Variants in CNTN3 observed in about 807,000 individuals in gnomAD.
CNTN3 encodes the protein contactin-3.
Under a neutral mutation model 119.1 loss-of-function variants are expected in CNTN3, and 60 were observed. The observed-to-expected ratio is 0.50, with a 90% CI of 0.41 to 0.62. The LOEUF (loss-of-function observed/expected upper bound fraction) is 0.62, where lower values mean the gene tolerates loss of function less well. Among genes scored for constraint, CNTN3 ranks in the 20% least tolerant of loss-of-function variants. The probability of loss-of-function intolerance (pLI) is 0.00; values close to 1 mark genes in which losing one functional copy is unlikely to be tolerated. For missense variants in CNTN3, 1,101 were observed against 1,242.4 expected, an observed-to-expected ratio of 0.89 and a Z score of 1.71; for synonymous variants, 450 against 438.7, an observed-to-expected ratio of 1.03 and a Z score of -0.32.
At chr3:74,350,037 C>G (rs2106745499) in intron 11 of CNTN3, among the ~76,000 whole-genome samples, 1 of 152,178 alleles carries the variant, frequency 6.6e-6, no homozygotes, top group East Asian at 1.9e-4. Flanking sequence ...TCCATAAAAC[C>G]AAATTTGAAA....
intron 5 of CNTN3, among the ~76,000 whole-genome samples, chr3:74,374,485 T>A (rs549210446): frequency 8.9e-4 from 136 of 152,074 alleles, no homozygotes; most frequent in African/African-American, 3.1e-3. Flanking sequence ...TTCCTAGGAG[T>A]AACTGTCCCT....
At chr3:74,478,074 C>A (rs1357343445) in intron 4 of CNTN3, among the ~76,000 whole-genome samples, 1 of 152,024 alleles carries the variant, frequency 6.6e-6, no homozygotes, top group East Asian at 1.9e-4. Context: ...AAGGCATAAA[C>A]CCACAAAGAC....
intron 13 of CNTN3, among the ~76,000 whole-genome samples, chr3:74,310,410 G>A (rs762658818): frequency 4.6e-5 from 7 of 151,818 alleles, no homozygotes; most frequent in Admixed American, 1.3e-4. Flanking sequence ...AGGCATCATC[G>A]AGGACTCATC....
At chr3:74,476,757 A>G (rs754482371) in intron 4 of CNTN3, among the ~76,000 whole-genome samples, 27 of 152,160 alleles carry the variant, frequency 1.8e-4, no homozygotes, top group Non-Finnish European at 2.9e-4. Context: ...ATCAGATAGA[A>G]TGTCTCGACA....
chr3:74,418,961 T>C (rs1426741925), intron 5 of CNTN3, among the ~76,000 whole-genome samples: 1 of 151,660 alleles, frequency 6.6e-6, no homozygotes, highest in Non-Finnish European at 1.5e-5. Context: ...TGGATAATTT[T>C]TTTTTTTTGT....
chr3:74,507,521 C>T (rs1306654594), intron 2 of CNTN3, among the ~76,000 whole-genome samples: 1 of 151,868 alleles, frequency 6.6e-6, no homozygotes, highest in Admixed American at 6.6e-5. Flanking sequence ...CTATTACTGC[C>T]CCCACCATAG....
At chr3:74,314,068 C>T (rs1702766366) in intron 13 of CNTN3, among the ~76,000 whole-genome samples, 2 of 152,194 alleles carry the variant, frequency 1.3e-5, no homozygotes, top group African/African-American at 2.4e-5. Flanking sequence ...GCCCTATTCA[C>T]TTCTAAAAGT....
intron 1 of CNTN3, among the ~76,000 whole-genome samples, chr3:74,576,885 C>T (rs1326144266): frequency 1.3e-5 from 2 of 152,126 alleles, no homozygotes; most frequent in Non-Finnish European, 2.9e-5. Context: ...TGGGCTTAAA[C>T]TCCCACTTAA....
chr3:74,409,777 T>C (rs1459706031), intron 5 of CNTN3, among the ~76,000 whole-genome samples: 1 of 152,220 alleles, frequency 6.6e-6, no homozygotes, highest in Non-Finnish European at 1.5e-5. Flanking sequence ...TTTGAAGCTC[T>C]TGCAACTTAG....
At chr3:74,418,182 A>T (rs1320950324) in intron 5 of CNTN3, among the ~76,000 whole-genome samples, 6 of 151,986 alleles carry the variant, frequency 3.9e-5, no homozygotes, top group Middle Eastern at 3.2e-3. Context: ...GCCAGAAAGC[A>T]TATTCTTAAT....
chr3:74,430,199 G>T (rs573926103), intron 4 of CNTN3, among the ~76,000 whole-genome samples: 2 of 152,078 alleles, frequency 1.3e-5, no homozygotes, highest in Admixed American at 6.6e-5. Context: ...ATAAAAGTTC[G>T]CAGAGTTTTA....
chr3:74,310,731 C>A (rs73109128), intron 13 of CNTN3, among the ~76,000 whole-genome samples: 1 of 152,086 alleles, frequency 6.6e-6, no homozygotes, highest in Non-Finnish European at 1.5e-5. Context: ...TACTAAATTT[C>A]AGGAGGAGAG....
intron 2 of CNTN3, among the ~76,000 whole-genome samples, chr3:74,512,714 A>C (rs1703389958): frequency 7.2e-6 from 1 of 139,374 alleles, no homozygotes; most frequent in Non-Finnish European, 1.6e-5. Flanking sequence ...AAAAAAAAAA[A>C]AGAAAGAAAG....
chr3:74,610,139 A>G (rs1705056131), intron 1 of CNTN3, among the ~76,000 whole-genome samples: 1 of 152,074 alleles, frequency 6.6e-6, no homozygotes, highest in African/African-American at 2.4e-5. Flanking sequence ...CTTTGGCAAC[A>G]TGGTGAATTC....
intron 1 of CNTN3, among the ~76,000 whole-genome samples, chr3:74,570,688 C>G (rs1350585236): frequency 6.6e-6 from 1 of 152,104 alleles, no homozygotes; most frequent in African/African-American, 2.4e-5. Context: ...CTCTTTGGCT[C>G]TTTAAAAACT....
chr3:74,603,807 G>GA (rs371110717), intron 1 of CNTN3, among the ~76,000 whole-genome samples: 2,581 of 150,600 alleles, frequency 0.017, 74 homozygotes, highest in African/African-American at 0.059. Context: ...CACAGAAATA[G>GA]AAAAAAAAAT....
At chr3:74,595,924 A>T (rs540621065) in intron 1 of CNTN3, among the ~76,000 whole-genome samples, 439 of 152,058 alleles carry the variant, frequency 2.9e-3, no homozygotes, top group African/African-American at 9.9e-3. Context: ...ACGACATGAT[A>T]GTATATCTAG....
intron 5 of CNTN3, among the ~76,000 whole-genome samples, chr3:74,391,442 T>C (rs4558713): frequency 0.54 from 82,581 of 151,748 alleles, 22,743 homozygotes; most frequent in Middle Eastern, 0.65. Flanking sequence ...GGGAAAATAA[T>C]GGGGCTGTGG....
At chr3:74,334,998 G>T in intron 12 of CNTN3, 88 bp from the exon 13 acceptor site, 2 of 911,182 alleles carry the variant, frequency 2.2e-6, no homozygotes, top group Non-Finnish European at 3.4e-6. Flanking sequence ...AACTTATACT[G>T]TGTATGTCTG....
Sources: gnomAD v4.1 joint callset for allele counts (sites outside exome capture counted in the v4.1 genomes callset) on GRCh38, gnomAD v4.1.1 for gene constraint, MANE v1.5 for transcripts, NCBI Gene and HGNC (gene_info 2026-07-23, HGNC 2026-07-21) for gene names.